The following ASCC2 variants were observed in gnomAD, a reference collection of about 807,000 sequenced individuals.
The protein encoded by ASCC2 is activating signal cointegrator 1 complex subunit 2, also known as ASC-1 complex subunit P100.
Under a neutral mutation model 93.5 loss-of-function variants are expected in ASCC2, and 42 were observed. The ratio of observed to expected loss-of-function variants is 0.45; its 90% CI spans 0.35 to 0.58. The LOEUF (loss-of-function observed/expected upper bound fraction) is 0.58, where lower values mean the gene tolerates loss of function less well. ASCC2 is among the 20% of genes least tolerant of loss of function. ASCC2 has a pLI of 0.00. For synonymous variants in ASCC2, 364 were observed against 384.2 expected, an observed-to-expected ratio of 0.95 and a Z score of 0.62; for missense variants, 859 against 977.6, an observed-to-expected ratio of 0.88 and a Z score of 1.62.
At chr22:29,827,712 A>C in intron 2 of ASCC2, 2 of 413,992 alleles carry the variant, frequency 4.8e-6, no homozygotes, top group East Asian at 7.9e-5. Context: ...TTGGCACTTT[A>C]CCTCTTCCCT....
chr22:29,796,701 T>C (rs1011840185), intron 15 of ASCC2, among the ~76,000 whole-genome samples: 1 of 151,522 alleles, frequency 6.6e-6, no homozygotes, highest in Admixed American at 6.6e-5. Flanking sequence ...GAAAAAGAGG[T>C]AGAGAGGAAG....
intron 2 of ASCC2, among the ~76,000 whole-genome samples, chr22:29,827,793 A>ACACACACACAG (rs2062582708): frequency 4.9e-5 from 1 of 20,454 alleles, no homozygotes; most frequent in African/African-American, 2.4e-4. Context: ...CACACACACA[A>ACACACACACAG]CCAGGCTACT....
chr22:29,793,794 C>T, intron 15 of ASCC2, 118 bp from the exon 16 acceptor site: 2 of 823,374 alleles, frequency 2.4e-6, no homozygotes, highest in Non-Finnish European at 1.8e-6. Flanking sequence ...GTCACGGAGA[C>T]AAATGAAATC....
rs1666450787 is a variant in ASCC2 at position 29,788,831 on chromosome 22, T to G, written c.*182A>C. On this transcript the variant is annotated 3_prime_UTR_variant, in exon 20 of 20. Coordinates refer to ENST00000307790, the MANE Select transcript of ASCC2 (RefSeq NM_032204.5). Reference sequence around the variant, plus strand: ...CGGCTGTGGCATAAGGCACTGTGTGTTCTGCAGGAAGGCGCTCATGGCTGG... The same window carrying G: ...CGGCTGTGGCATAAGGCACTGTGTGGTCTGCAGGAAGGCGCTCATGGCTGG... 1.5e-6 allele frequency: 1 copy of G among 687,842 alleles called. No individual in the cohort carries two copies. 42.6% of individuals were successfully genotyped at this position (687,842 alleles called of 1,614,324 possible). A position where few individuals can be genotyped will look rare whatever the true frequency, so the allele number is the denominator to read the frequency against.
intron 7 of ASCC2, 61 bp from the exon 8 acceptor site, chr22:29,813,603 C>A (rs2060517574): frequency 9.0e-7 from 1 of 1,113,918 alleles, no homozygotes; most frequent in South Asian, 1.3e-5. Flanking sequence ...ATCTGCAGAG[C>A]ACCTGAGACA....
In ASCC2 at chr22:29,821,908, G is replaced by C. The variant is rs373913336; in HGVS notation, c.541+427C>G. ...CAGGTACCTGGGAGGCTGAGTTGGG[G>C]GGATAGCTTTACTCCAGGAATGTGA... On this transcript the variant is annotated intron_variant, in intron 5 of 19. Transcript: ENST00000307790. 2.3e-4 allele frequency: 103 copies of C among 447,776 alleles called. No individual in the cohort carries two copies. The East Asian group carries it at 4.9e-3, about 21-fold the overall frequency. 27.7% of individuals were successfully genotyped at this position (447,776 alleles called of 1,614,324 possible).
chr22:29,835,689 C>T (rs547217729), intron 1 of ASCC2, among the ~76,000 whole-genome samples: 12 of 152,206 alleles, frequency 7.9e-5, no homozygotes, highest in South Asian at 4.2e-4. Context: ...AGTGTTCAAC[C>T]CAATACCTGG....
intron 8 of ASCC2, 87 bp from the exon 9 acceptor site, chr22:29,808,272 G>A: frequency 7.4e-7 from 1 of 1,357,870 alleles, no homozygotes; most frequent in South Asian, 1.2e-5. Context: ...CAGGGAGTGG[G>A]AAGGCCCATT....
intron 1 of ASCC2, among the ~76,000 whole-genome samples, chr22:29,835,530 A>AT (rs1191770289): frequency 6.6e-6 from 1 of 152,108 alleles, no homozygotes; most frequent in Non-Finnish European, 1.5e-5. Flanking sequence ...TACAGCCTGG[A>AT]TTCAAGTCCT....
intron 5 of ASCC2, among the ~76,000 whole-genome samples, chr22:29,821,683 A>G (rs758790933): frequency 1.3e-4 from 20 of 152,204 alleles, no homozygotes; most frequent in Non-Finnish European, 2.5e-4. Context: ...TGTCTGATGC[A>G]TGGCCAATTG....
chr22:29,790,524 C>A lies in ASCC2; in HGVS notation c.2047G>T (p.Ala683Ser). ...PKPDHFVQDP[A>S]VLREKAEARR... The stretch of plus-strand genomic sequence containing the variant: ...GCTTCTGCCTTCTCTCTCAGCACTG[C>A]AGGGTCCTGAACAAAATGGTCGGGC... The change falls in exon 19 of 20, where the codon GCA (alanine) becomes TCA (serine). Residue 683 changes from alanine (A) to serine (S), a missense_variant. Transcript: ENST00000307790. The A allele has an allele frequency of 6.2e-7, 1 of 1,614,154 alleles. No individual in the cohort carries two copies.
In ASCC2 at chr22:29,825,766, C is replaced by T. The variant is rs2062222946; in HGVS notation, c.96G>A (p.Lys32=). 6.2e-7 allele frequency: 1 copy of T among 1,609,814 alleles called. No homozygotes were observed. Among genetic ancestry groups the T allele is most frequent in the Non-Finnish European group, 8.5e-7 (1 of 1,176,392 alleles). The change falls in exon 3 of 20, where the codon AAG becomes AAA. Residue 32 remains lysine (K), a synonymous_variant. Transcript: ENST00000307790. The surrounding 1 kb of genome is among the most constrained non-coding windows in gnomAD (Gnocchi z 4.9). ...TGTATAACACAAAATACCGGTCTGC[C>T]TTCTGCTCGGGGTGCTACGGATCCA... ...RTSPALHPEQ[K]ADRYFVLYKP... is the part of the protein sequence containing the mutation.
intron 5 of ASCC2, among the ~76,000 whole-genome samples, chr22:29,820,683 C>T (rs1239836714): frequency 6.6e-6 from 1 of 151,438 alleles, no homozygotes; most frequent in African/African-American, 2.4e-5. Flanking sequence ...GCCTGTAATC[C>T]CAACACTTTG....
chr22:29,800,109 A>T (rs1205772485), intron 15 of ASCC2, among the ~76,000 whole-genome samples: 1 of 152,226 alleles, frequency 6.6e-6, no homozygotes, highest in Non-Finnish European at 1.5e-5. Flanking sequence ...AACATAAAAT[A>T]TGCTGGCTTT....
intron 1 of ASCC2, chr22:29,833,752 T>C: frequency 5.3e-6 from 2 of 374,912 alleles, no homozygotes; most frequent in Non-Finnish European, 1.1e-5. Flanking sequence ...GTGATTAAAC[T>C]GTCACCTCTT....
chr22:29,794,205 A>G (rs1283695675), intron 15 of ASCC2, among the ~76,000 whole-genome samples: 2 of 150,964 alleles, frequency 1.3e-5, no homozygotes, highest in African/African-American at 2.4e-5. Context: ...GTTAAAAGGT[A>G]AAATGGGGCT....
At chr22:29,836,883 A>C (rs984168175) in intron 1 of ASCC2, among the ~76,000 whole-genome samples, 1 of 152,236 alleles carries the variant, frequency 6.6e-6, no homozygotes, top group African/African-American at 2.4e-5. Context: ...ATTATGTGGC[A>C]GGCACTGATG....
chr22:29,807,037 T>A, intron 9 of ASCC2, 133 bp from the exon 10 acceptor site: 1 of 651,036 alleles, frequency 1.5e-6, no homozygotes, highest in Non-Finnish European at 2.6e-6. Context: ...CCCAGGAGTT[T>A]GAGACCAGCC....
At chr22:29,817,934 G>A (rs1007562894) in intron 5 of ASCC2, among the ~76,000 whole-genome samples, 8 of 152,222 alleles carry the variant, frequency 5.3e-5, no homozygotes, top group African/African-American at 1.9e-4. Context: ...TTGGGCCAAG[G>A]CCCAAGTCAT....
Sources: allele counts gnomAD v4.1 joint callset (sites outside exome capture counted in the v4.1 genomes callset), GRCh38; gene constraint gnomAD v4.1.1; non-coding constraint Gnocchi (gnomAD v3.1); transcripts MANE v1.5; gene names NCBI Gene and HGNC (gene_info 2026-07-23, HGNC 2026-07-21).